The following CDH12 variants were observed in gnomAD, a reference collection of about 807,000 sequenced individuals.
CDH12 encodes cadherin-12.
A neutral mutation model predicts 74.1 loss-of-function variants in CDH12; 41 were observed. The observed-to-expected ratio is 0.55, with a 90% CI of 0.43 to 0.72. The LOEUF is 0.72. Among genes scored for constraint, CDH12 ranks in the 30% least tolerant of loss-of-function variants. CDH12 has a pLI of 0.00. For missense variants in CDH12, 945 were observed against 977.2 expected, an observed-to-expected ratio of 0.97 and a Z score of 0.44; for synonymous variants, 399 against 355.0, an observed-to-expected ratio of 1.12 and a Z score of -1.39.
intron 4 of CDH12, among the ~76,000 whole-genome samples, chr5:22,210,198 G>T (rs1751445914): frequency 1.6e-5 from 1 of 62,726 alleles, no homozygotes; most frequent in Non-Finnish European, 3.4e-5. Flanking sequence ...AGAACTTGAA[G>T]CAAGTTTTGC....
intron 2 of CDH12, among the ~76,000 whole-genome samples, chr5:22,431,669 G>A (rs1744179623): frequency 6.6e-6 from 1 of 152,234 alleles, no homozygotes; most frequent in Admixed American, 6.5e-5. Context: ...GGGACAAGAT[G>A]TGGAGGTGAA....
intron 6 of CDH12, among the ~76,000 whole-genome samples, chr5:21,879,953 A>G (rs1752153899): frequency 6.6e-6 from 1 of 152,232 alleles, no homozygotes; most frequent in Non-Finnish European, 1.5e-5. Flanking sequence ...TTTGCCTGGT[A>G]CAATTACAAA....
At chr5:22,058,768 AAGGG>A (rs201497539) in intron 5 of CDH12, among the ~76,000 whole-genome samples, 36 of 140,588 alleles carry the variant, frequency 2.6e-4, no homozygotes, top group South Asian at 5.2e-4. Context: ...GGAAGGAAGG[AAGGG>A]AGGGAGGGAG....
chr5:22,774,231 C>T (rs939289222), intron 1 of CDH12, among the ~76,000 whole-genome samples: 20 of 151,934 alleles, frequency 1.3e-4, no homozygotes, highest in African/African-American at 4.8e-4. Flanking sequence ...AATCTAGGTG[C>T]CTATAAATGG....
At chr5:22,220,759 G>GTATCT (rs1226186261) in intron 3 of CDH12, among the ~76,000 whole-genome samples, 1 of 151,636 alleles carries the variant, frequency 6.6e-6, no homozygotes, top group Non-Finnish European at 1.5e-5. Flanking sequence ...TTCATTCAAG[G>GTATCT]TGCATACTGA....
intron 3 of CDH12, among the ~76,000 whole-genome samples, chr5:22,393,741 T>A (rs1490583441): frequency 6.6e-6 from 1 of 152,268 alleles, no homozygotes; most frequent in Admixed American, 6.5e-5. Flanking sequence ...CCTTGGAGAA[T>A]AAATAAATTT....
chr5:22,795,670 A>G (rs187029692), intron 1 of CDH12, among the ~76,000 whole-genome samples: 14 of 151,624 alleles, frequency 9.2e-5, no homozygotes. Context: ...GAATACACAT[A>G]CAAGTCCAAA....
At chr5:22,048,446 C>T (rs533864752) in intron 5 of CDH12, among the ~76,000 whole-genome samples, 2 of 152,088 alleles carry the variant, frequency 1.3e-5, no homozygotes, top group Non-Finnish European at 2.9e-5. Context: ...TTGGGGATTT[C>T]GAGTTGTGTT....
At chr5:22,071,664 A>G (rs995630174) in intron 5 of CDH12, among the ~76,000 whole-genome samples, 4 of 152,064 alleles carry the variant, frequency 2.6e-5, no homozygotes, top group African/African-American at 7.2e-5. Context: ...TTAACCACTT[A>G]TGGTTTTAAC....
At chr5:22,369,019 C>T (rs1019160419) in intron 3 of CDH12, among the ~76,000 whole-genome samples, 36 of 152,072 alleles carry the variant, frequency 2.4e-4, no homozygotes, top group African/African-American at 6.8e-4. Context: ...ATCTCAGCTA[C>T]TCGGGAGGCT....
chr5:22,059,406 T>G (rs921309005), intron 5 of CDH12, among the ~76,000 whole-genome samples: 1 of 151,596 alleles, frequency 6.6e-6, no homozygotes, highest in Non-Finnish European at 1.5e-5. Context: ...TATCTACTTT[T>G]AAAGCTATAC....
Position 22,174,012 on chromosome 5 carries a change from T to C in CDH12, c.-187+38486A>G, listed in dbSNP as rs567492659. ...CTAGTATTCTGTGAAACACATTAGG[T>C]GAATATAAATATTGTGATTTGTAAC... On this transcript the variant is annotated intron_variant, in intron 4 of 14. Coordinates refer to ENST00000382254, the MANE Select transcript of CDH12 (RefSeq NM_004061.5). 2.4e-4 allele frequency among the ~76,000 whole-genome samples: 36 copies of C among 152,072 alleles called. No homozygotes were observed. In the South Asian group the frequency reaches 7.5e-3, roughly 31 times the overall value.
intron 1 of CDH12, among the ~76,000 whole-genome samples, chr5:22,608,957 C>T (rs1737257538): frequency 6.6e-6 from 1 of 152,100 alleles, no homozygotes; most frequent in Non-Finnish European, 1.5e-5. Context: ...CAGACTAATA[C>T]ACATACCAAA....
chr5:22,060,027 G>A (rs966692579), intron 5 of CDH12, among the ~76,000 whole-genome samples: 9 of 152,088 alleles, frequency 5.9e-5, no homozygotes, highest in African/African-American at 1.9e-4. Flanking sequence ...CTAAGAGCCA[G>A]GAATGGACTT....
chr5:22,425,997 G>A (rs1375024728), intron 2 of CDH12, among the ~76,000 whole-genome samples: 2 of 151,842 alleles, frequency 1.3e-5, no homozygotes, highest in Non-Finnish European at 2.9e-5. Context: ...GACCACCCTG[G>A]CCAACATGAT....
At chr5:21,935,205 A>T (rs1038717746) in intron 6 of CDH12, among the ~76,000 whole-genome samples, 1 of 152,176 alleles carries the variant, frequency 6.6e-6, no homozygotes, top group East Asian at 1.9e-4. Flanking sequence ...AAGTTTCAAA[A>T]TTTACAGTGC....
intron 5 of CDH12, among the ~76,000 whole-genome samples, chr5:22,045,860 T>G (rs1027166729): frequency 3.9e-5 from 6 of 152,186 alleles, no homozygotes; most frequent in Admixed American, 3.9e-4. Flanking sequence ...AGGGATAAAT[T>G]TTTATGTTTT....
intron 6 of CDH12, among the ~76,000 whole-genome samples, chr5:21,961,198 T>C (rs1756346256): frequency 6.6e-6 from 1 of 152,208 alleles, no homozygotes; most frequent in Non-Finnish European, 1.5e-5. Context: ...CTGTTTTTAC[T>C]TCGTGCATTT....
intron 3 of CDH12, among the ~76,000 whole-genome samples, chr5:22,340,802 C>T (rs1163115232): frequency 2.0e-5 from 3 of 152,112 alleles, no homozygotes; most frequent in African/African-American, 4.8e-5. Flanking sequence ...TTTTCCTTCT[C>T]AGTTTACAAA....
Sources: allele counts gnomAD v4.1 joint callset (sites outside exome capture counted in the v4.1 genomes callset), GRCh38; gene constraint gnomAD v4.1.1; transcripts MANE v1.5; gene names NCBI Gene and HGNC (gene_info 2026-07-23, HGNC 2026-07-21).